The following SMOX variants were observed in gnomAD, a reference collection of about 807,000 sequenced individuals.
SMOX encodes the protein spermine oxidase, also known as flavin containing amine oxidase.
Under a neutral mutation model 51.0 loss-of-function variants are expected in SMOX, and 22 were observed. The observed-to-expected ratio is 0.43, with a 90% CI of 0.31 to 0.62. The LOEUF is 0.62. Ranked by LOEUF, SMOX falls within the 20% of genes least tolerant of loss-of-function variation. The probability of loss-of-function intolerance (pLI) is 0.10; values close to 1 mark genes in which losing one functional copy is unlikely to be tolerated. For synonymous variants in SMOX, 282 were observed against 307.8 expected (o/e 0.92, Z 0.88); for missense variants, 566 against 777.7 (o/e 0.73, Z 3.24).
At chr20:4,173,516 C>T (rs1437065410) in intron 1 of SMOX, among the ~76,000 whole-genome samples, 3 of 152,174 alleles carry the variant, frequency 2.0e-5, no homozygotes, top group African/African-American at 4.8e-5. Flanking sequence ...CAGGCTGTTA[C>T]GAATATAGGT....
chr20:4,184,614 A>G (rs929900571), intron 6 of SMOX, among the ~76,000 whole-genome samples: 5 of 152,054 alleles, frequency 3.3e-5, no homozygotes, highest in Admixed American at 3.3e-4. Context: ...ATTTAAAACA[A>G]TTATTTGGTA....
chr20:4,173,702 C>T (rs1221050614), intron 1 of SMOX, among the ~76,000 whole-genome samples: 2 of 152,314 alleles, frequency 1.3e-5, no homozygotes, highest in East Asian at 3.9e-4. Context: ...CATTTGTTCC[C>T]TGTTAGATCC....
chr20:4,171,556 G>C (rs1406897327), intron 1 of SMOX, among the ~76,000 whole-genome samples: 1 of 152,182 alleles, frequency 6.6e-6, no homozygotes, highest in East Asian at 1.9e-4. Context: ...GGCTTATCTG[G>C]GACAGGGCCT....
In SMOX at chr20:4,177,244, C is replaced by G; in HGVS notation, c.209-107C>G. The G allele has an allele frequency of 1.0e-6, 1 of 972,692 alleles. No individual in the cohort carries two copies. The highest frequency in any genetic ancestry group is 2.7e-5 in the Admixed American group (1 of 36,490). 60.3% of individuals were successfully genotyped at this position (972,692 alleles called of 1,614,324 possible). On this transcript the variant is annotated intron_variant, in intron 2 of 6. Transcript: ENST00000305958. The surrounding 1 kb of genome is among the most constrained non-coding windows in gnomAD (Gnocchi z 4.3). ...AGTGGAAGTTCAAGCTCTTTCCTGC[C>G]CTGTTGTAGGGTGGAAAGACCCTCT...
chr20:4,179,158 A>G (rs1443725858), intron 3 of SMOX, among the ~76,000 whole-genome samples: 2 of 152,246 alleles, frequency 1.3e-5, no homozygotes, highest in African/African-American at 2.4e-5. Flanking sequence ...AATGGGTCAA[A>G]TAAGAACTAG....
At position 4,181,545 on chromosome 20, in the gene SMOX, T is replaced by A. The variant is rs142412868; in HGVS notation, c.436-258T>A. Among the ~76,000 whole-genome samples the A allele has an allele frequency of 3.3e-4, 50 of 152,316 alleles. No individual in the cohort carries two copies. In the East Asian group the frequency reaches 9.1e-3, roughly 28 times the overall value. Reference sequence around the variant, plus strand: ...TGTATGGGCACCAAATGTTTCACATTGTCCTAAGTGAGGGCCCAGCAAGAA... The same window carrying A: ...TGTATGGGCACCAAATGTTTCACATAGTCCTAAGTGAGGGCCCAGCAAGAA... On this transcript the variant is annotated intron_variant, in intron 3 of 6. Transcript: ENST00000305958. The surrounding 1 kb of genome is among the most constrained non-coding windows in gnomAD (Gnocchi z 5.6).
chr20:4,179,743 T>C (rs973177327), intron 3 of SMOX, among the ~76,000 whole-genome samples: 3 of 152,226 alleles, frequency 2.0e-5, no homozygotes, highest in African/African-American at 7.2e-5. Flanking sequence ...TGAGCCTTAC[T>C]TTCCTCTTCT....
Position 4,167,671 on chromosome 20 carries a change from C to T in SMOX, c.-26-7359C>T, listed in dbSNP as rs1986624356. On this transcript the variant is annotated intron_variant, in intron 1 of 6. Transcript: ENST00000305958. The surrounding 1 kb of genome is among the most constrained non-coding windows in gnomAD (Gnocchi z 4.8). ...AGAGATTGAGCTGGGGCCTGATTCC[C>T]AGGTCTGGGCCAGTGTTCTCTCCCT... Among the ~76,000 whole-genome samples, 1 of 152,108 alleles carries T rather than the reference C, an allele frequency of 6.6e-6. No homozygotes were observed.
At chr20:4,179,366 G>A (rs1200988357) in intron 3 of SMOX, among the ~76,000 whole-genome samples, 3 of 152,142 alleles carry the variant, frequency 2.0e-5, no homozygotes, top group South Asian at 2.1e-4. Flanking sequence ...AAGAGAGTGC[G>A]TTGTGGATAT....
At position 4,170,156 on chromosome 20, in the gene SMOX, G is replaced by A. The variant is rs1025908780; in HGVS notation, c.-26-4874G>A. ...TGGGTGAGGCTCACATAGAGGAGGC[G>A]GGGTGGGGGGGTGCTTCTGGCGCAG... On this transcript the variant is annotated intron_variant, in intron 1 of 6. Transcript: ENST00000305958. The surrounding 1 kb of genome is among the most constrained non-coding windows in gnomAD (Gnocchi z 4.6). Among the ~76,000 whole-genome samples the A allele has an allele frequency of 6.6e-6, 1 of 151,986 alleles. No individual in the cohort carries two copies. Among genetic ancestry groups the A allele is most frequent in the South Asian group, 2.1e-4 (1 of 4,808 alleles).
intron 3 of SMOX, among the ~76,000 whole-genome samples, chr20:4,178,102 C>T (rs1741321): frequency 0.56 from 84,601 of 152,048 alleles, 24,060 homozygotes; most frequent in East Asian, 0.66. Flanking sequence ...AGTGCAGTGG[C>T]GCGATCTCAG....
chr20:4,150,581 G>A (rs1456346830), intron 1 of SMOX, among the ~76,000 whole-genome samples: 1 of 151,992 alleles, frequency 6.6e-6, no homozygotes, highest in African/African-American at 2.4e-5. Flanking sequence ...ACCCTTCCCC[G>A]TTTCATTCTT....
intron 1 of SMOX, among the ~76,000 whole-genome samples, chr20:4,152,540 C>T (rs930046010): frequency 6.6e-6 from 1 of 152,014 alleles, no homozygotes; most frequent in Non-Finnish European, 1.5e-5. Flanking sequence ...TGAGGTAACA[C>T]CGCGACGTGG....
At position 4,183,549 on chromosome 20, in the gene SMOX, C is replaced by A; in HGVS notation, c.1425C>A (p.Asn475Lys). The A allele has an allele frequency of 6.2e-7, 1 of 1,614,154 alleles. No individual in the cohort carries two copies. Among genetic ancestry groups the A allele is most frequent in the Non-Finnish European group, 8.5e-7 (1 of 1,179,994 alleles). The stretch of plus-strand genomic sequence containing the variant: ...TCTTGCGCTCGGCCTGGGGCAGCAA[C>A]CCTTACTTCCGCGGCTCCTATTCAT... ...RRILRSAWGS[N>K]PYFRGSYSYT... The change falls in exon 6 of 7, where the codon AAC becomes AAA. Residue 475 changes from asparagine to lysine, a missense_variant. Physicochemically the swap from Asn to Lys is moderately conservative, Grantham distance 94. Around this residue, in one of 3 missense-constraint regions of SMOX, gnomAD observed 347 missense variants for 481.8 expected, o/e 0.72. Coordinates refer to ENST00000305958, the MANE Select transcript of SMOX (RefSeq NM_175839.3). This position sits in a 1 kb window ranked among gnomAD's most constrained non-coding sequence, Gnocchi z 4.3.
At chr20:4,171,803 A>G (rs979609195) in intron 1 of SMOX, 3 of 152,248 alleles carry the variant, frequency 2.0e-5, no homozygotes, top group South Asian at 2.1e-4. Flanking sequence ...CTCATGATGT[A>G]GCTTCTGCAC....
intron 3 of SMOX, among the ~76,000 whole-genome samples, chr20:4,178,338 A>C (rs1044530274): frequency 1.3e-5 from 2 of 152,140 alleles, no homozygotes; most frequent in Non-Finnish European, 1.5e-5. Flanking sequence ...CACCCGGCCT[A>C]ATTTCTTAAT....
chr20:4,182,933 C>T lies in SMOX; in HGVS notation c.1369+85C>T. 6.8e-7 allele frequency: 1 copy of T among 1,479,968 alleles called. No individual in the cohort carries two copies. The highest frequency in any genetic ancestry group is 9.0e-7 in the Non-Finnish European group (1 of 1,115,348). The allele number at this position is 1,479,968 out of a possible 1,614,324, so 91.7% of individuals were successfully genotyped here. On this transcript the variant is annotated intron_variant, in intron 5 of 6. Transcript: ENST00000305958. This position sits in a 1 kb window ranked among gnomAD's most constrained non-coding sequence, Gnocchi z 8.4. ...TCTGGTGGACCCATGGCAGCTCTCT[C>T]CTCCCCAGACCGTGAAGCTCGGATG... is the stretch of plus-strand genomic sequence containing the variant.
At position 4,177,619 on chromosome 20, in the gene SMOX, G is replaced by A; in HGVS notation, c.435+42G>A. ...GTAGCTGGGCGTAAGGGCATGGGGA[G>A]ACCTGGGAGGTCTGTGATTCTGGTC... On this transcript the variant is annotated intron_variant, in intron 3 of 6. Transcript: ENST00000305958. This position sits in a 1 kb window ranked among gnomAD's most constrained non-coding sequence, Gnocchi z 4.3. The A allele has an allele frequency of 6.5e-7, 1 of 1,534,624 alleles. No individual in the cohort carries two copies. The highest frequency in any genetic ancestry group is 8.8e-7 in the Non-Finnish European group (1 of 1,133,826).
At chr20:4,151,012 A>G (rs1333402130) in intron 1 of SMOX, among the ~76,000 whole-genome samples, 3 of 151,856 alleles carry the variant, frequency 2.0e-5, no homozygotes, top group Non-Finnish European at 2.9e-5. Flanking sequence ...TTGTATTTTT[A>G]GTAGAGATGG....
Sources: gnomAD v4.1 joint callset for allele counts (sites outside exome capture counted in the v4.1 genomes callset) on GRCh38, gnomAD v4.1.1 for gene constraint, gnomAD v4.1.1 regional missense constraint, Gnocchi (gnomAD v3.1) non-coding constraint, MANE v1.5 for transcripts, NCBI Gene and HGNC (gene_info 2026-07-23, HGNC 2026-07-21) for gene names.